Variants in DMD observed in about 807,000 individuals in gnomAD.
DMD encodes dystrophin.
DMD carries 63 observed loss-of-function variants against 330.1 expected under a neutral mutation model. That is an observed-to-expected ratio of 0.19 (90% CI 0.16 to 0.24). The LOEUF (loss-of-function observed/expected upper bound fraction) is 0.24. Ranked by LOEUF, DMD falls within the 10% of genes least tolerant of loss-of-function variation. The pLI is 1.00. For missense variants in DMD, 3,344 were observed against 2,684.1 expected, an observed-to-expected ratio of 1.25 and a Z score of -5.43; for synonymous variants, 1,223 against 959.8, an observed-to-expected ratio of 1.27 and a Z score of -5.07.
intron 50 of DMD, among the ~76,000 whole-genome samples, chrX:31,778,287 G>T (rs887771719): frequency 1.8e-5 from 2 of 111,495 alleles, no homozygotes; most frequent in African/African-American, 6.5e-5. Context: ...ATTAGGTTTT[G>T]GAGGATTTTG....
At chrX:32,857,476 T>C (rs1185680338) in intron 2 of DMD, among the ~76,000 whole-genome samples, 2 of 112,275 alleles carry the variant, frequency 1.8e-5, no homozygotes, top group East Asian at 5.6e-4. Context: ...TTCCCTCCTT[T>C]GGCCAGGAGC....
At chrX:32,034,633 C>T (rs906425062) in intron 44 of DMD, among the ~76,000 whole-genome samples, 1 of 111,333 alleles carries the variant, frequency 9.0e-6, no homozygotes, top group Admixed American at 9.5e-5. Context: ...TGCTAACATA[C>T]TAAGATCTAA....
chrX:32,946,373 A>C (rs971285941), intron 2 of DMD, among the ~76,000 whole-genome samples: 1 of 111,592 alleles, frequency 9.0e-6, no homozygotes, highest in African/African-American at 3.3e-5. Flanking sequence ...TACCATAAAA[A>C]GATACAACAA....
At chrX:31,495,357 A>C (rs1603261845) in intron 57 of DMD, among the ~76,000 whole-genome samples, 1 of 111,177 alleles carries the variant, frequency 9.0e-6, no homozygotes, top group African/African-American at 3.3e-5. Context: ...TTTGGTAGTA[A>C]TTTGTTTGGT....
intron 45 of DMD, among the ~76,000 whole-genome samples, chrX:31,947,775 C>T (rs1209404351): frequency 9.0e-6 from 1 of 111,353 alleles, no homozygotes; most frequent in African/African-American, 3.3e-5. Flanking sequence ...AAACCATCCC[C>T]ATAATCAAGG....
intron 55 of DMD, among the ~76,000 whole-genome samples, chrX:31,519,749 A>T (rs2072575574): frequency 8.9e-6 from 1 of 112,309 alleles, no homozygotes; most frequent in Non-Finnish European, 1.9e-5. Context: ...TATTAACCTT[A>T]AAACTATTTC....
chrX:32,097,597 T>C (rs955735854), intron 44 of DMD, among the ~76,000 whole-genome samples: 1 of 111,871 alleles, frequency 8.9e-6, no homozygotes, highest in South Asian at 3.7e-4. Context: ...TAAAGTGACT[T>C]AGTTAAAATA....
chrX:31,658,834 G>T (rs1425605050), intron 53 of DMD, among the ~76,000 whole-genome samples: 4 of 111,898 alleles, frequency 3.6e-5, no homozygotes, highest in Non-Finnish European at 7.5e-5. Flanking sequence ...ATTAATGGTA[G>T]GTTTTATCTC....
At chrX:32,837,730 T>G (rs929549065) in intron 4 of DMD, among the ~76,000 whole-genome samples, 1 of 111,928 alleles carries the variant, frequency 8.9e-6, no homozygotes, top group African/African-American at 3.2e-5. Flanking sequence ...ATCACTTGGT[T>G]GCCTCAATGA....
At chrX:31,804,139 T>C (rs902327992) in intron 50 of DMD, among the ~76,000 whole-genome samples, 2 of 111,545 alleles carry the variant, frequency 1.8e-5, no homozygotes, top group Admixed American at 1.9e-4. Context: ...TCCTGACTCA[T>C]ATGCTCAGTT....
intron 7 of DMD, among the ~76,000 whole-genome samples, chrX:32,797,414 T>A (rs1374772462): frequency 8.9e-6 from 1 of 112,646 alleles, no homozygotes. Context: ...TAAAACCACA[T>A]AGAAAATTTT....
chrX:32,618,933 C>T (rs1393613040), intron 11 of DMD, among the ~76,000 whole-genome samples: 1 of 110,964 alleles, frequency 9.0e-6, no homozygotes, highest in Non-Finnish European at 1.9e-5. Context: ...AACAAAACTA[C>T]AATATGATAC....
At chrX:33,021,138 T>C (rs1423777624) in intron 1 of DMD, among the ~76,000 whole-genome samples, 2 of 111,038 alleles carry the variant, frequency 1.8e-5, no homozygotes, top group African/African-American at 6.5e-5. Context: ...ACATTTCAAA[T>C]AAAAATGCAA....
intron 21 of DMD, among the ~76,000 whole-genome samples, chrX:32,483,756 T>A (rs762374074): frequency 9.9e-6 from 1 of 100,674 alleles, no homozygotes; most frequent in East Asian, 3.1e-4. Context: ...GAGCTGATAC[T>A]ATTTATAAAG....
intron 2 of DMD, among the ~76,000 whole-genome samples, chrX:32,856,497 G>A (rs928371841): frequency 8.1e-5 from 9 of 111,382 alleles, no homozygotes; most frequent in South Asian, 3.7e-4. Flanking sequence ...AAAATGAGAC[G>A]CTGTCATTTG....
chrX:31,395,347 G>A (rs1158664905), intron 60 of DMD, among the ~76,000 whole-genome samples: 3 of 112,046 alleles, frequency 2.7e-5, no homozygotes, highest in Non-Finnish European at 5.6e-5. Context: ...AAATTACTTC[G>A]TTCATTTCTA....
At chrX:32,530,952 G>A (rs145258144) in intron 17 of DMD, among the ~76,000 whole-genome samples, 1,755 of 111,545 alleles carry the variant, frequency 0.016, 31 homozygotes, top group African/African-American at 0.047. Context: ...TTAAAATGAT[G>A]AAACCCAAAA....
chrX:32,006,036 A>G, intron 44 of DMD, among the ~76,000 whole-genome samples: 1 of 111,336 alleles, frequency 9.0e-6, no homozygotes, highest in African/African-American at 3.3e-5. Flanking sequence ...GGTGGGGTGC[A>G]GGTGGTTAGA....
At chrX:32,324,675 CATG>C (rs1268619887) in intron 41 of DMD, among the ~76,000 whole-genome samples, 3 of 111,453 alleles carry the variant, frequency 2.7e-5, no homozygotes, top group East Asian at 2.8e-4. Flanking sequence ...AAAAGGAGAA[CATG>C]ATAAAATCAT....
Sources: allele counts gnomAD v4.1 joint callset (sites outside exome capture counted in the v4.1 genomes callset), GRCh38; gene constraint gnomAD v4.1.1; transcripts MANE v1.5; gene names NCBI Gene and HGNC (gene_info 2026-07-23, HGNC 2026-07-21).